Variants in TSHR observed in about 807,000 individuals in gnomAD.
The protein encoded by TSHR is thyrotropin receptor.
A neutral mutation model predicts 64.1 loss-of-function variants in TSHR; 51 were observed. The observed-to-expected ratio is 0.80, with a 90% confidence interval of 0.64 to 1.01. TSHR has a LOEUF of 1.01. Ranked by LOEUF, TSHR falls within the 50% of genes least tolerant of loss-of-function variation. The probability of loss-of-function intolerance (pLI) is 0.00; values close to 1 mark genes in which losing one functional copy is unlikely to be tolerated. For missense variants in TSHR, 877 were observed against 942.8 expected (o/e 0.93, Z 0.91); for synonymous variants, 361 against 361.9 (o/e 1.00, Z 0.03).
At chr14:81,104,017 C>T (rs1889741098) in intron 7 of TSHR, 1 of 985,422 alleles carries the variant, frequency 1.0e-6, no homozygotes, top group African/African-American at 1.7e-5. Context: ...TCTTGGCACA[C>T]TGGGAAAAGA....
chr14:80,986,575 C>A (rs1206594755), intron 1 of TSHR, among the ~76,000 whole-genome samples: 1 of 152,172 alleles, frequency 6.6e-6, no homozygotes, highest in African/African-American at 2.4e-5. Context: ...TAACCTCTCC[C>A]TCCTGGGTCC....
At chr14:81,040,217 A>G (rs967393629) in intron 1 of TSHR, among the ~76,000 whole-genome samples, 27 of 152,018 alleles carry the variant, frequency 1.8e-4, no homozygotes, top group African/African-American at 6.5e-4. Context: ...CATTGGGGAA[A>G]GAAGAGTCTC....
chr14:81,123,148 CTT>C (rs1890878049), intron 8 of TSHR, among the ~76,000 whole-genome samples: 1 of 151,524 alleles, frequency 6.6e-6, no homozygotes, highest in Non-Finnish European at 1.5e-5. Context: ...AAAATTAACA[CTT>C]AATTTAATAA....
At chr14:81,073,128 C>T (rs1230582459) in intron 3 of TSHR, among the ~76,000 whole-genome samples, 1 of 146,782 alleles carries the variant, frequency 6.8e-6, no homozygotes, top group Non-Finnish European at 1.5e-5. Flanking sequence ...CTAAGGGACA[C>T]TTCATAAAGA....
chr14:80,973,192 TCAGGAGATCGAGACCATCCTGGCTAACA>T (rs1376993968), intron 1 of TSHR, among the ~76,000 whole-genome samples: 1 of 151,762 alleles, frequency 6.6e-6, no homozygotes, highest in Non-Finnish European at 1.5e-5. Context: ...GATCACGAGG[TCAGGAGATCGAGACCATCCTGGCTAACA>T]CAGTGAAACC....
chr14:80,993,668 T>A (rs1888859659), intron 1 of TSHR: 1 of 152,206 alleles, frequency 6.6e-6, no homozygotes, highest in Non-Finnish European at 1.5e-5. Context: ...GTGTTTTCTT[T>A]CTGCACACCA....
chr14:81,061,711 T>A (rs916326469), intron 1 of TSHR, among the ~76,000 whole-genome samples: 1 of 151,992 alleles, frequency 6.6e-6, no homozygotes, highest in African/African-American at 2.4e-5. Context: ...ACCTGAGTGA[T>A]GAAATAATCA....
At chr14:80,963,790 G>C (rs1167639653) in intron 1 of TSHR, among the ~76,000 whole-genome samples, 1 of 152,212 alleles carries the variant, frequency 6.6e-6, no homozygotes, top group Non-Finnish European at 1.5e-5. Context: ...CTGATGACCT[G>C]ACTCAGGGGA....
At chr14:80,964,139 G>C (rs1030514314) in intron 1 of TSHR, among the ~76,000 whole-genome samples, 16 of 152,122 alleles carry the variant, frequency 1.1e-4, no homozygotes, top group African/African-American at 3.9e-4. Context: ...GGCGGAGCGG[G>C]GGCGGATCAC....
intron 8 of TSHR, among the ~76,000 whole-genome samples, chr14:81,133,057 T>C (rs72627198): frequency 3.9e-5 from 6 of 152,254 alleles, no homozygotes; most frequent in East Asian, 1.9e-4. Context: ...AACTCCAGAA[T>C]TGGGAGACTA....
rs967573803 is a variant in TSHR at position 81,145,168 on chromosome 14, T to C, written c.*815T>C. On this transcript the variant is annotated 3_prime_UTR_variant, in exon 10 of 10. Transcript: ENST00000298171. The stretch of plus-strand genomic sequence containing the variant: ...CAGAGCACACTCAATCCCCTGTTGA[T>C]TAATAAAACAGGCTGGACACTAATT... The C allele has an allele frequency of 4.3e-6, 1 of 233,152 alleles. No individual in the cohort carries two copies. The highest frequency in any genetic ancestry group is 8.5e-6 in the Non-Finnish European group (1 of 117,980). 14.4% of individuals were successfully genotyped at this position (233,152 alleles called of 1,614,324 possible).
chr14:81,132,724 AG>A (rs1274554687), intron 8 of TSHR, among the ~76,000 whole-genome samples: 1 of 152,222 alleles, frequency 6.6e-6, no homozygotes, highest in Admixed American at 6.5e-5. Flanking sequence ...AGCTCTTTGA[AG>A]AGAGTGCCAG....
chr14:81,072,616 A>T (rs1470294626), intron 3 of TSHR, among the ~76,000 whole-genome samples: 2 of 152,192 alleles, frequency 1.3e-5, no homozygotes, highest in African/African-American at 4.8e-5. Flanking sequence ...CAGCATTTAC[A>T]TTAACTGCAT....
At chr14:80,960,135 C>T (rs1400897367) in intron 1 of TSHR, among the ~76,000 whole-genome samples, 3 of 152,128 alleles carry the variant, frequency 2.0e-5, no homozygotes, top group Non-Finnish European at 2.9e-5. Context: ...TTGGTAGTAT[C>T]GAAAGGATGG....
intron 7 of TSHR, chr14:81,099,253 C>T (rs961874697): frequency 4.7e-5 from 7 of 149,186 alleles, no homozygotes; most frequent in Admixed American, 4.6e-4. Context: ...GAATGAAGCC[C>T]AACAAGAACA....
chr14:81,076,545 C>T (rs1887517552), intron 3 of TSHR, among the ~76,000 whole-genome samples: 1 of 152,158 alleles, frequency 6.6e-6, no homozygotes, highest in African/African-American at 2.4e-5. Context: ...ATCTACTACT[C>T]CTGTGTATGT....
At chr14:80,985,889 C>T (rs1888423852) in intron 1 of TSHR, among the ~76,000 whole-genome samples, 1 of 152,146 alleles carries the variant, frequency 6.6e-6, no homozygotes, top group Non-Finnish European at 1.5e-5. Flanking sequence ...AAGTGTATAG[C>T]ACTTTGACAT....
intron 3 of TSHR, among the ~76,000 whole-genome samples, chr14:81,070,677 T>C (rs1887006704): frequency 6.8e-6 from 1 of 147,096 alleles, no homozygotes; most frequent in South Asian, 2.2e-4. Context: ...TAAATAATAC[T>C]TTCAAGGATG....
rs1018610158 is a variant in TSHR, at chr14:80,967,739, G to A, written c.170+11889G>A. On this transcript the variant is annotated intron_variant, in intron 1 of 9. Coordinates refer to ENST00000298171, the MANE Select transcript of TSHR (RefSeq NM_000369.5). The stretch of plus-strand genomic sequence containing the variant: ...GGTGAATCCAACAGGATTTTCTAGC[G>A]GACTATGTGGACTTTGAGTAAAAGA... 2.6e-5 allele frequency among the ~76,000 whole-genome samples: 4 copies of A among 152,072 alleles called. No individual in the cohort carries two copies. In the East Asian group the frequency reaches 5.8e-4, roughly 22 times the overall value.
Sources: allele counts gnomAD v4.1 joint callset (sites outside exome capture counted in the v4.1 genomes callset), GRCh38; gene constraint gnomAD v4.1.1; transcripts MANE v1.5; gene names NCBI Gene and HGNC (gene_info 2026-07-23, HGNC 2026-07-21).